Variants in CCBE1 observed in about 807,000 individuals in gnomAD.
CCBE1 encodes the protein collagen and calcium-binding EGF domain-containing protein 1.
Under a neutral mutation model 50.0 loss-of-function variants are expected in CCBE1, and 37 were observed. That is an observed-to-expected ratio of 0.74 (90% confidence interval 0.57 to 0.97). The LOEUF (loss-of-function observed/expected upper bound fraction) is 0.97, where lower values mean the gene tolerates loss of function less well. Among genes scored for constraint, CCBE1 ranks in the 50% least tolerant of loss-of-function variants. The pLI is 0.00. For synonymous variants in CCBE1, 234 were observed against 203.7 expected (o/e 1.15, Z -1.27); for missense variants, 538 against 523.8 (o/e 1.03, Z -0.26).
At chr18:59,529,908 G>A (rs751408443) in intron 2 of CCBE1, among the ~76,000 whole-genome samples, 3 of 152,208 alleles carry the variant, frequency 2.0e-5, no homozygotes, top group Admixed American at 6.5e-5. Context: ...TGTCTTGAAT[G>A]CATAGGGTCT....
intron 2 of CCBE1, among the ~76,000 whole-genome samples, chr18:59,623,438 C>A (rs945027850): frequency 6.6e-6 from 1 of 152,184 alleles, no homozygotes; most frequent in African/African-American, 2.4e-5. Context: ...GATGGCAGAG[C>A]AAACATTCAA....
intron 2 of CCBE1, among the ~76,000 whole-genome samples, chr18:59,630,866 T>TCA (rs935119448): frequency 2.6e-5 from 4 of 152,242 alleles, no homozygotes; most frequent in African/African-American, 9.6e-5. Flanking sequence ...CTCAATCATT[T>TCA]CAGCCATTAA....
At chr18:59,618,145 C>A (rs1490711981) in intron 2 of CCBE1, among the ~76,000 whole-genome samples, 3 of 152,094 alleles carry the variant, frequency 2.0e-5, no homozygotes, top group African/African-American at 7.2e-5. Context: ...GGTTTCCAGG[C>A]ACTTTCAAGA....
chr18:59,645,961 A>G (rs1470135169), intron 2 of CCBE1, among the ~76,000 whole-genome samples: 8 of 152,076 alleles, frequency 5.3e-5, no homozygotes, highest in East Asian at 1.9e-4. Context: ...AACCCGGCAG[A>G]CGGAGCTTGC....
At chr18:59,478,161 TTGCC>T (rs1228774716) in intron 3 of CCBE1, among the ~76,000 whole-genome samples, 4 of 152,240 alleles carry the variant, frequency 2.6e-5, no homozygotes, top group South Asian at 2.1e-4. Context: ...CCTGGATCTC[TTGCC>T]TGCCTGCCTG....
intron 2 of CCBE1, among the ~76,000 whole-genome samples, chr18:59,585,464 A>C (rs1047765698): frequency 3.9e-5 from 6 of 152,162 alleles, no homozygotes; most frequent in African/African-American, 1.4e-4. Context: ...ATCAAGCTCA[A>C]GGTTTCACAT....
chr18:59,444,340 G>A (rs1910578359), intron 7 of CCBE1, among the ~76,000 whole-genome samples: 1 of 152,036 alleles, frequency 6.6e-6, no homozygotes, highest in Non-Finnish European at 1.5e-5. Context: ...TAGGGTCTCT[G>A]TTGCCTAGGC....
At chr18:59,694,764 C>G (rs542101539) in intron 2 of CCBE1, among the ~76,000 whole-genome samples, 34 of 152,234 alleles carry the variant, frequency 2.2e-4, no homozygotes, top group Non-Finnish European at 4.1e-4. Context: ...ATAAGACCAA[C>G]GGAATACAGA....
chr18:59,631,206 G>T (rs145359749), intron 2 of CCBE1, among the ~76,000 whole-genome samples: 2,337 of 150,892 alleles, frequency 0.015, 34 homozygotes, highest in Middle Eastern at 0.058. Flanking sequence ...ACTTTTCTAT[G>T]ATCTGGAGAA....
At chr18:59,597,065 G>A (rs189399392) in intron 2 of CCBE1, among the ~76,000 whole-genome samples, 8 of 152,322 alleles carry the variant, frequency 5.3e-5, no homozygotes, top group Middle Eastern at 3.4e-3. Flanking sequence ...ATCTTGAGCT[G>A]GCCAGGGCAC....
chr18:59,651,430 C>G (rs1048550778), intron 2 of CCBE1, among the ~76,000 whole-genome samples: 2 of 152,216 alleles, frequency 1.3e-5, no homozygotes, highest in Non-Finnish European at 2.9e-5. Flanking sequence ...GCATGCCAAA[C>G]GCTGGTTCAT....
intron 2 of CCBE1, among the ~76,000 whole-genome samples, chr18:59,669,506 G>A (rs2054403787): frequency 6.6e-6 from 1 of 152,222 alleles, no homozygotes; most frequent in Admixed American, 6.5e-5. Context: ...GAGGAAAGTT[G>A]GAGTCAAGAG....
At chr18:59,461,977 T>A (rs1034767576) in intron 5 of CCBE1, among the ~76,000 whole-genome samples, 2 of 152,048 alleles carry the variant, frequency 1.3e-5, no homozygotes, top group Non-Finnish European at 2.9e-5. Flanking sequence ...CAGGCGTTCC[T>A]ACCGCCTCAG....
chr18:59,554,094 C>A (rs72964846), intron 2 of CCBE1, among the ~76,000 whole-genome samples: 11,530 of 152,218 alleles, frequency 0.076, 458 homozygotes, highest in South Asian at 0.11. Context: ...CCAGTAATTC[C>A]CGGGCTCAAG....
intron 2 of CCBE1, among the ~76,000 whole-genome samples, chr18:59,547,098 GT>G (rs1915731630): frequency 1.1e-5 from 1 of 87,106 alleles, no homozygotes; most frequent in African/African-American, 5.5e-5. Flanking sequence ...AGAGAGGGAG[GT>G]AGGGAGAGGG....
At chr18:59,439,161 C>A (rs1450221242) in intron 9 of CCBE1, among the ~76,000 whole-genome samples, 1 of 152,126 alleles carries the variant, frequency 6.6e-6, no homozygotes, top group Non-Finnish European at 1.5e-5. Flanking sequence ...GTGGCGGTCG[C>A]CTGTAGTCCC....
chr18:59,570,089 C>T lies in CCBE1; in HGVS notation c.213-89851G>A, dbSNP rs567699620. On this transcript the variant is annotated intron_variant, in intron 2 of 10. Transcript: ENST00000439986. ...ATTTGACAAGCTCTTCCTGAACACA[C>T]GCTCCACATTGTTTTAGATGTGGTG... 1.6e-4 allele frequency among the ~76,000 whole-genome samples: 25 copies of T among 152,316 alleles called. No individual in the cohort carries two copies. The South Asian group carries it at 4.6e-3, about 28-fold the overall frequency.
chr18:59,593,938 G>C (rs1252445376), intron 2 of CCBE1, among the ~76,000 whole-genome samples: 1 of 152,200 alleles, frequency 6.6e-6, no homozygotes. Context: ...CATTCCAACA[G>C]CAATGACATA....
At chr18:59,621,251 T>A (rs995514702) in intron 2 of CCBE1, among the ~76,000 whole-genome samples, 1 of 151,966 alleles carries the variant, frequency 6.6e-6, no homozygotes, top group Admixed American at 6.5e-5. Flanking sequence ...GGTGAAAGAG[T>A]TCCTGCAGCT....
Sources: gnomAD v4.1 joint callset for allele counts (sites outside exome capture counted in the v4.1 genomes callset) on GRCh38, gnomAD v4.1.1 for gene constraint, MANE v1.5 for transcripts, NCBI Gene and HGNC (gene_info 2026-07-23, HGNC 2026-07-21) for gene names.